Variants in ATXN3 observed in about 807,000 individuals in gnomAD.
ATXN3 encodes the protein ataxin 3.
Under a neutral mutation model 58.2 loss-of-function variants are expected in ATXN3, and 28 were observed. That is an observed-to-expected ratio of 0.48 (90% CI 0.36 to 0.66). ATXN3 has a LOEUF of 0.66. Ranked by LOEUF, ATXN3 falls within the 30% of genes least tolerant of loss-of-function variation. ATXN3 has a pLI of 0.00. For synonymous variants in ATXN3, 113 were observed against 138.5 expected (o/e 0.82, Z 1.29); for missense variants, 321 against 422.1 (o/e 0.76, Z 2.10).
At chr14:92,090,798 T>C (rs2063612009) in intron 5 of ATXN3, among the ~76,000 whole-genome samples, 2 of 152,280 alleles carry the variant, frequency 1.3e-5, no homozygotes, top group Non-Finnish European at 2.9e-5. Context: ...GTGCTTACTT[T>C]ATACAAAAAA....
rs557446490 is a variant in ATXN3 at position 92,099,580 on chromosome 14, T to C, written c.25-2742A>G. Among the ~76,000 whole-genome samples the C allele has an allele frequency of 3.9e-5, 6 of 152,262 alleles. No individual in the cohort carries two copies. The East Asian group carries it at 9.6e-4, about 24-fold the overall frequency. Reference sequence around the variant, plus strand: ...GTTCTACTTATATCCTTTTGAAAAATAGCCAAGGCTGGCTGCGGTGGCTCA... The same window carrying C: ...GTTCTACTTATATCCTTTTGAAAAACAGCCAAGGCTGGCTGCGGTGGCTCA... On this transcript the variant is annotated intron_variant, in intron 1 of 10. Transcript: ENST00000644486.
chr14:92,075,125 T>G (rs562049944), intron 9 of ATXN3, among the ~76,000 whole-genome samples: 5 of 151,772 alleles, frequency 3.3e-5, no homozygotes, highest in Admixed American at 1.3e-4. Context: ...TATTATTTAA[T>G]GACTCATAAA....
chr14:92,106,469 G>A, intron 1 of ATXN3, 60 bp downstream of exon 1: 1 of 1,608,872 alleles, frequency 6.2e-7, no homozygotes. Flanking sequence ...AGGCGGTGAT[G>A]CCGCGCTCCA....
At chr14:92,096,185 A>G in intron 2 of ATXN3, 48 bp from the exon 3 acceptor site, 2 of 1,611,874 alleles carry the variant, frequency 1.2e-6, no homozygotes, top group Non-Finnish European at 1.7e-6. Flanking sequence ...GTGGGGAAAG[A>G]AGGATACAAA....
exon 2 of ATXN3, chr14:92,047,916 C>T (rs2057434436): frequency 1.3e-5 from 2 of 152,202 alleles, no homozygotes; most frequent in Non-Finnish European, 2.9e-5. Flanking sequence ...AAGAGTTATC[C>T]AAAGCTCAGC....
intron 9 of ATXN3, chr14:92,071,547 A>G: frequency 3.1e-6 from 1 of 326,186 alleles, no homozygotes; most frequent in Admixed American, 4.5e-5. Context: ...CAGTGAGCCA[A>G]GATCGCGCCA....
chr14:92,068,008 G>C (rs963024178), intron 10 of ATXN3, among the ~76,000 whole-genome samples: 1 of 152,128 alleles, frequency 6.6e-6, no homozygotes, highest in African/African-American at 2.4e-5. Context: ...TGGCCTCCAC[G>C]GACATTGTGG....
At chr14:92,053,194 G>A (rs113874586), upstream of ATXN3, among the ~76,000 whole-genome samples, 712 of 152,264 alleles carry the variant, frequency 4.7e-3, 11 homozygotes, top group South Asian at 0.036. Flanking sequence ...AGGTTGCAGT[G>A]AGCCGAGATC....
At chr14:92,054,248 A>C (rs1011699362), downstream of ATXN3, among the ~76,000 whole-genome samples, 2 of 152,148 alleles carry the variant, frequency 1.3e-5, no homozygotes, top group African/African-American at 4.8e-5. Context: ...CTCCATCTTG[A>C]ATAGGAGCTG....
chr14:92,055,219 G>A (rs1156535387), downstream of ATXN3, among the ~76,000 whole-genome samples: 1 of 152,060 alleles, frequency 6.6e-6, no homozygotes, highest in Non-Finnish European at 1.5e-5. The surrounding 1 kb of genome is among the most constrained non-coding windows in gnomAD (Gnocchi z 4.5). Context: ...GTAATCCAAT[G>A]AATGCATCTC....
intron 5 of ATXN3, among the ~76,000 whole-genome samples, chr14:92,089,627 C>T (rs771012737): frequency 3.3e-5 from 5 of 152,052 alleles, no homozygotes; most frequent in Non-Finnish European, 7.4e-5. Flanking sequence ...TGTGAGCCAC[C>T]GCGCCCGGCC....
At chr14:92,058,100 G>C (rs1202750457), downstream of ATXN3, among the ~76,000 whole-genome samples, 1 of 152,128 alleles carries the variant, frequency 6.6e-6, no homozygotes, top group African/African-American at 2.4e-5. Context: ...AGTAATAATG[G>C]ACCTTTTGGC....
At chr14:92,082,521 A>C in intron 7 of ATXN3, 55 bp from the exon 8 acceptor site, 1 of 1,473,968 alleles carries the variant, frequency 6.8e-7, no homozygotes, top group Non-Finnish European at 9.2e-7. Context: ...TTTAGACATA[A>C]CATAAAGGCA....
chr14:92,056,394 C>A (rs1015213910), downstream of ATXN3, among the ~76,000 whole-genome samples: 1 of 152,070 alleles, frequency 6.6e-6, no homozygotes, highest in Non-Finnish European at 1.5e-5. Context: ...AATGAATAAG[C>A]AAAATGTGCA....
chr14:92,087,231 ATAG>A (rs1280627954), intron 6 of ATXN3, among the ~76,000 whole-genome samples: 2 of 152,248 alleles, frequency 1.3e-5, no homozygotes, highest in Non-Finnish European at 2.9e-5. Flanking sequence ...CTAAGAAAAC[ATAG>A]TAGAAATATC....
chr14:92,046,166 C>T (rs111995338), intron 2 of ATXN3: 17,854 of 151,434 alleles, frequency 0.12, 1,122 homozygotes, highest in African/African-American at 0.16. Flanking sequence ...TTTGCAAGAG[C>T]GAGGGCTCGA....
At chr14:92,094,724 A>C (rs2064761607) in intron 3 of ATXN3, among the ~76,000 whole-genome samples, 1 of 152,240 alleles carries the variant, frequency 6.6e-6, no homozygotes, top group African/African-American at 2.4e-5. Context: ...GCCAGGTACC[A>C]GCAAAGACAG....
intron 1 of ATXN3, among the ~76,000 whole-genome samples, chr14:92,101,002 C>G (rs1293380266): frequency 6.6e-6 from 1 of 151,514 alleles, no homozygotes; most frequent in Non-Finnish European, 1.5e-5. Context: ...TAGTGACATC[C>G]AAATATTTGA....
chr14:92,060,578 C>T lies in ATXN3; in HGVS notation c.*3742G>A, dbSNP rs1020380731. The T allele has an allele frequency of 6.6e-6, 1 of 151,540 alleles. No homozygotes were observed. Among genetic ancestry groups the T allele is most frequent in the Non-Finnish European group, 1.5e-5 (1 of 67,864 alleles). 9.4% of individuals were successfully genotyped at this position (151,540 alleles called of 1,614,324 possible). A position where few individuals can be genotyped will look rare whatever the true frequency, so the allele number is the denominator to read the frequency against. ...CCAGCCGGGAGATCATCAATATTAACTATTGAATCCTCGTAAGAATTTAAA... is the reference window on the plus strand; with the variant it reads ...CCAGCCGGGAGATCATCAATATTAATTATTGAATCCTCGTAAGAATTTAAA... On this transcript the variant is annotated 3_prime_UTR_variant, in exon 11 of 11. Coordinates refer to ENST00000644486, the MANE Select transcript of ATXN3 (RefSeq NM_004993.6).
Sources: gnomAD v4.1 joint callset for allele counts (sites outside exome capture counted in the v4.1 genomes callset) on GRCh38, gnomAD v4.1.1 for gene constraint, Gnocchi (gnomAD v3.1) non-coding constraint, MANE v1.5 for transcripts, NCBI Gene and HGNC (gene_info 2026-07-23, HGNC 2026-07-21) for gene names.